HRH1: variants seen among roughly 807,000 people sequenced by gnomAD.
The protein encoded by HRH1 is histamine receptor H1.
In HRH1, 6 loss-of-function variants were observed where a neutral mutation model predicts 10.3. That is an observed-to-expected ratio of 0.58 (90% CI 0.32 to 1.15). The LOEUF (loss-of-function observed/expected upper bound fraction) is 1.15. Among genes scored for constraint, HRH1 ranks in the 50% most tolerant of loss-of-function variants. HRH1 has a pLI of 0.05. For synonymous variants in HRH1, 242 were observed against 236.7 expected (o/e 1.02, Z -0.21); for missense variants, 514 against 615.3 (o/e 0.84, Z 1.74).
rs181316265 is a variant in HRH1, at chr3:11,182,458, C to T, written c.-36+27904C>T. Among the ~76,000 whole-genome samples the T allele has an allele frequency of 1.3e-3, 203 of 152,318 alleles. 1 individual carries two copies. The highest frequency in any genetic ancestry group is 4.8e-3 in the African/African-American group (200 of 41,568). On this transcript the variant is annotated intron_variant, in intron 1 of 1. Transcript: ENST00000431010. ...TAGAACATTCTTTTAATTCATGGAA[C>T]TTCAGGGCCATATAAGCCTCCAGAT...
At chr3:11,202,303 G>C (rs890837024) in intron 1 of HRH1, among the ~76,000 whole-genome samples, 1 of 151,858 alleles carries the variant, frequency 6.6e-6, no homozygotes. Context: ...TACTCGGGAG[G>C]CTGAGGCAGG....
intron 1 of HRH1, among the ~76,000 whole-genome samples, chr3:11,231,559 G>A (rs1025516447): frequency 4.6e-5 from 7 of 152,062 alleles, no homozygotes; most frequent in Non-Finnish European, 1.0e-4. Context: ...ATCTCGTTGT[G>A]GTTTTGACTT....
intron 1 of HRH1, among the ~76,000 whole-genome samples, chr3:11,246,518 T>C (rs1361649757): frequency 6.6e-6 from 1 of 152,238 alleles, no homozygotes; most frequent in African/African-American, 2.4e-5. Context: ...GACCAGATTT[T>C]TCAAAATACA....
chr3:11,193,372 T>C (rs1937585471), intron 1 of HRH1, among the ~76,000 whole-genome samples: 1 of 152,266 alleles, frequency 6.6e-6, no homozygotes, highest in Non-Finnish European at 1.5e-5. Context: ...TTTGAGGTAC[T>C]GTCTTTTTAA....
intron 1 of HRH1, among the ~76,000 whole-genome samples, chr3:11,172,565 C>T (rs1396095000): frequency 6.6e-6 from 1 of 152,136 alleles, no homozygotes; most frequent in Non-Finnish European, 1.5e-5. Context: ...GCTAGAATCT[C>T]GACCTCTCCT....
chr3:11,164,476 G>T (rs1005186033), intron 1 of HRH1, among the ~76,000 whole-genome samples: 1 of 152,022 alleles, frequency 6.6e-6, no homozygotes, highest in Admixed American at 6.5e-5. Context: ...TGTTTCTACC[G>T]CCAGCCTGGA....
At chr3:11,171,828 G>A (rs141431564) in intron 1 of HRH1, among the ~76,000 whole-genome samples, 340 of 152,340 alleles carry the variant, frequency 2.2e-3, no homozygotes, top group African/African-American at 7.8e-3. Context: ...TCCTACCTCT[G>A]TTGTCTCATC....
At chr3:11,226,701 C>T (rs1415760647) in intron 1 of HRH1, among the ~76,000 whole-genome samples, 1 of 151,792 alleles carries the variant, frequency 6.6e-6, no homozygotes, top group East Asian at 1.9e-4. Context: ...GCCTGGCCAA[C>T]ATGGTGAAAC....
chr3:11,157,760 CTT>C, intron 1 of HRH1, among the ~76,000 whole-genome samples: 1 of 152,344 alleles, frequency 6.6e-6, no homozygotes, highest in South Asian at 2.1e-4. Context: ...GCCATTGAAA[CTT>C]GTTGTTGCCA....
intron 1 of HRH1, among the ~76,000 whole-genome samples, chr3:11,243,251 C>T (rs1216596420): frequency 6.6e-6 from 1 of 152,150 alleles, no homozygotes; most frequent in Non-Finnish European, 1.5e-5. Flanking sequence ...CAGTAAACCT[C>T]TGTTGAGCAC....
At chr3:11,243,766 C>A (rs1939408818) in intron 1 of HRH1, among the ~76,000 whole-genome samples, 1 of 152,098 alleles carries the variant, frequency 6.6e-6, no homozygotes. Context: ...CATATCACTT[C>A]TTCTCTGATG....
intron 1 of HRH1, among the ~76,000 whole-genome samples, chr3:11,185,331 T>G (rs1024932548): frequency 1.3e-5 from 2 of 152,172 alleles, no homozygotes; most frequent in East Asian, 1.9e-4. Context: ...GGCTCATAAG[T>G]CACCTCCTCT....
chr3:11,171,422 G>A (rs192821169), intron 1 of HRH1, among the ~76,000 whole-genome samples: 38 of 152,146 alleles, frequency 2.5e-4, no homozygotes, highest in African/African-American at 8.9e-4. Context: ...GGCCAGGGTT[G>A]CAGGGTTTTG....
At chr3:11,244,118 G>A (rs191130421) in intron 1 of HRH1, among the ~76,000 whole-genome samples, 4 of 152,284 alleles carry the variant, frequency 2.6e-5, no homozygotes, top group African/African-American at 9.6e-5. Flanking sequence ...AGTCTGTCCC[G>A]ATGGCTGCTT....
chr3:11,214,186 T>C (rs1663583082), intron 1 of HRH1, among the ~76,000 whole-genome samples: 1 of 152,090 alleles, frequency 6.6e-6, no homozygotes, highest in Non-Finnish European at 1.5e-5. Context: ...GGAAGCATTT[T>C]TTTCCTTTCT....
intron 1 of HRH1, among the ~76,000 whole-genome samples, chr3:11,138,704 A>ATTT (rs35194961): frequency 3.4e-4 from 48 of 139,426 alleles, no homozygotes; most frequent in African/African-American, 1.3e-3. Flanking sequence ...TCATAGCTGA[A>ATTT]TTTTTTTTTT....
At chr3:11,164,098 T>G (rs1210211345) in intron 1 of HRH1, among the ~76,000 whole-genome samples, 2 of 152,308 alleles carry the variant, frequency 1.3e-5, no homozygotes, top group Non-Finnish European at 1.5e-5. Flanking sequence ...AGCAGGACTT[T>G]GAAACATAAG....
intron 1 of HRH1, among the ~76,000 whole-genome samples, chr3:11,164,352 G>T (rs67569567): frequency 0.18 from 27,340 of 152,132 alleles, 2,944 homozygotes; most frequent in East Asian, 0.29. Context: ...AACGAAGGGA[G>T]GGATTGAGGG....
intron 1 of HRH1, among the ~76,000 whole-genome samples, chr3:11,204,573 G>C (rs1938047500): frequency 6.6e-6 from 1 of 152,178 alleles, no homozygotes; most frequent in African/African-American, 2.4e-5. Flanking sequence ...GAAGGGGAAG[G>C]CCGGGATCAG....
Sources: gnomAD v4.1 joint callset for allele counts (sites outside exome capture counted in the v4.1 genomes callset) on GRCh38, gnomAD v4.1.1 for gene constraint, MANE v1.5 for transcripts, NCBI Gene and HGNC (gene_info 2026-07-23, HGNC 2026-07-21) for gene names.